Variants in SPAG16 observed in about 807,000 individuals in gnomAD.
The protein encoded by SPAG16 is sperm-associated antigen 16 protein.
A neutral mutation model predicts 80.4 loss-of-function variants in SPAG16; 86 were observed. The observed-to-expected ratio is 1.07, with a 90% CI of 0.90 to 1.28. The LOEUF is 1.28. SPAG16 is among the 50% of genes most tolerant of loss of function. The pLI, the probability that SPAG16 is intolerant of heterozygous loss-of-function variation, is 0.00. For synonymous variants in SPAG16, 294 were observed against 265.9 expected, an observed-to-expected ratio of 1.11 and a Z score of -1.03; for missense variants, 870 against 765.3, an observed-to-expected ratio of 1.14 and a Z score of -1.61.
At chr2:213,634,156 ATTT>A (rs2125091453) in intron 10 of SPAG16, among the ~76,000 whole-genome samples, 1 of 151,688 alleles carries the variant, frequency 6.6e-6, no homozygotes, top group African/African-American at 2.4e-5. Context: ...AGATATGATT[ATTT>A]TCTTGCTTTA....
intron 6 of SPAG16, among the ~76,000 whole-genome samples, chr2:213,344,775 A>G (rs1441846660): frequency 6.6e-6 from 1 of 152,088 alleles, no homozygotes; most frequent in Non-Finnish European, 1.5e-5. Context: ...AATCCAGTCT[A>G]TCATTGTTGG....
intron 10 of SPAG16, among the ~76,000 whole-genome samples, chr2:213,738,458 A>T (rs2067393865): frequency 6.6e-6 from 1 of 152,350 alleles, no homozygotes; most frequent in South Asian, 2.1e-4. Context: ...GCCTTTAAGG[A>T]TATGAAACTA....
chr2:214,019,442 G>A (rs2047747834), intron 13 of SPAG16, among the ~76,000 whole-genome samples: 1 of 152,146 alleles, frequency 6.6e-6, no homozygotes, highest in Admixed American at 6.6e-5. Flanking sequence ...TCATGACCTG[G>A]ACTGCCTTTA....
chr2:214,183,438 C>T (rs1186665153), intron 15 of SPAG16, among the ~76,000 whole-genome samples: 6 of 152,078 alleles, frequency 3.9e-5, no homozygotes, highest in South Asian at 4.1e-4. Context: ...AGGGTGTACA[C>T]CTCTGCAAGT....
At chr2:213,780,571 C>CTTTTTTTTTTTTTTT (rs367744311) in intron 10 of SPAG16, among the ~76,000 whole-genome samples, 1 of 124,620 alleles carries the variant, frequency 8.0e-6, no homozygotes, top group Non-Finnish European at 1.6e-5. Flanking sequence ...TCTTTTCTTT[C>CTTTTTTTTTTTTTTT]TTTTTTTTTT....
intron 15 of SPAG16, among the ~76,000 whole-genome samples, chr2:214,251,051 A>C (rs1189721425): frequency 6.6e-6 from 1 of 151,890 alleles, no homozygotes; most frequent in African/African-American, 2.4e-5. Flanking sequence ...TAATGAATAC[A>C]GTTAAATGGA....
intron 5 of SPAG16, among the ~76,000 whole-genome samples, chr2:213,319,359 T>C (rs919561433): frequency 3.3e-5 from 5 of 151,954 alleles, no homozygotes; most frequent in African/African-American, 1.2e-4. Context: ...TATCATTTAT[T>C]CAAGTATTAT....
intron 15 of SPAG16, among the ~76,000 whole-genome samples, chr2:214,232,910 T>A (rs1688800176): frequency 6.6e-6 from 1 of 151,010 alleles, no homozygotes; most frequent in Non-Finnish European, 1.5e-5. Context: ...TCAATCCAAG[T>A]TAGTATGGAT....
chr2:213,776,826 A>ACCCCCCCCCCCCCC (rs140864608), intron 10 of SPAG16, among the ~76,000 whole-genome samples: 4 of 107,552 alleles, frequency 3.7e-5, no homozygotes, highest in African/African-American at 1.1e-4. Context: ...GTTCTATGCC[A>ACCCCCCCCCCCCCC]CCCCCCCCCC....
intron 15 of SPAG16, among the ~76,000 whole-genome samples, chr2:214,371,629 A>G (rs1056208058): frequency 7.3e-5 from 11 of 151,548 alleles, no homozygotes; most frequent in Non-Finnish European, 1.3e-4. Context: ...ATTATAACAC[A>G]TAAGATATGA....
chr2:214,216,572 G>A (rs537091824), intron 15 of SPAG16, among the ~76,000 whole-genome samples: 101 of 152,190 alleles, frequency 6.6e-4, no homozygotes, highest in South Asian at 1.0e-3. Context: ...TGCCCGCCTC[G>A]GCCTCCCAAA....
intron 8 of SPAG16, among the ~76,000 whole-genome samples, chr2:213,371,998 T>A (rs1004778054): frequency 6.6e-6 from 1 of 152,144 alleles, no homozygotes. Flanking sequence ...ATGAAATAAT[T>A]ATTATTGAGT....
At chr2:214,108,163 T>G (rs1466134536) in intron 13 of SPAG16, 33 bp from the exon 14 acceptor site, 1 of 1,512,376 alleles carries the variant, frequency 6.6e-7, no homozygotes, top group East Asian at 2.3e-5. Context: ...CAAAAGAAAT[T>G]TATTTGACTC....
At chr2:214,345,393 C>G (rs1226391771) in intron 15 of SPAG16, among the ~76,000 whole-genome samples, 2 of 152,110 alleles carry the variant, frequency 1.3e-5, no homozygotes, top group Non-Finnish European at 2.9e-5. Context: ...AACAATTCAG[C>G]CCGCTCTCAT....
At chr2:213,420,278 G>A (rs2125433164) in intron 9 of SPAG16, among the ~76,000 whole-genome samples, 1 of 152,302 alleles carries the variant, frequency 6.6e-6, no homozygotes, top group African/African-American at 2.4e-5. Context: ...ACAGTGATAT[G>A]TATTGTTTGG....
At chr2:213,743,049 G>A (rs966671011) in intron 10 of SPAG16, among the ~76,000 whole-genome samples, 2 of 151,668 alleles carry the variant, frequency 1.3e-5, no homozygotes, top group Admixed American at 6.6e-5. Flanking sequence ...GACTACAGGC[G>A]CCCGCCACCA....
chr2:213,951,385 A>G (rs1388547694), intron 12 of SPAG16, among the ~76,000 whole-genome samples: 4 of 152,222 alleles, frequency 2.6e-5, no homozygotes, highest in African/African-American at 9.6e-5. Context: ...AATAGAATAT[A>G]CATGGATTCA....
intron 10 of SPAG16, among the ~76,000 whole-genome samples, chr2:213,503,100 T>A (rs1209802351): frequency 6.6e-6 from 1 of 152,226 alleles, no homozygotes; most frequent in African/African-American, 2.4e-5. Context: ...CCGATTACTA[T>A]GTATCTGTTT....
intron 13 of SPAG16, among the ~76,000 whole-genome samples, chr2:214,099,961 G>A (rs1308885471): frequency 1.3e-5 from 2 of 151,988 alleles, no homozygotes; most frequent in Non-Finnish European, 2.9e-5. Flanking sequence ...CACTGATATG[G>A]TTTGGCTCTG....
Sources: gnomAD v4.1 joint callset for allele counts (sites outside exome capture counted in the v4.1 genomes callset) on GRCh38, gnomAD v4.1.1 for gene constraint, MANE v1.5 for transcripts, NCBI Gene and HGNC (gene_info 2026-07-23, HGNC 2026-07-21) for gene names.